The following PRORP variants were observed in gnomAD, a reference collection of about 807,000 sequenced individuals.
PRORP encodes the protein mitochondrial ribonuclease P catalytic subunit.
PRORP carries 51 observed loss-of-function variants against 59.4 expected under a neutral mutation model. That is an observed-to-expected ratio of 0.86 (90% CI 0.69 to 1.08). The LOEUF (loss-of-function observed/expected upper bound fraction) is 1.08, where lower values mean the gene tolerates loss of function less well. PRORP is among the 50% of genes least tolerant of loss of function. The pLI, the probability that PRORP is intolerant of heterozygous loss-of-function variation, is 0.00. For missense variants in PRORP, 646 were observed against 690.3 expected (o/e 0.94, Z 0.72); for synonymous variants, 231 against 245.6 (o/e 0.94, Z 0.55).
intron 5 of PRORP, among the ~76,000 whole-genome samples, chr14:35,212,937 A>G (rs2049486902): frequency 1.3e-5 from 2 of 152,190 alleles, no homozygotes; most frequent in African/African-American, 4.8e-5. Flanking sequence ...TTTATCAATG[A>G]TCTTAGCTAG....
intron 4 of PRORP, among the ~76,000 whole-genome samples, chr14:35,170,370 T>C (rs1397782772): frequency 6.6e-6 from 1 of 152,146 alleles, no homozygotes; most frequent in African/African-American, 2.4e-5. Flanking sequence ...TATTGGCTTT[T>C]ATCTATACCT....
At chr14:35,211,429 T>C (rs936419948) in intron 5 of PRORP, among the ~76,000 whole-genome samples, 1 of 152,162 alleles carries the variant, frequency 6.6e-6, no homozygotes, top group African/African-American at 2.4e-5. Context: ...TCAGTAAATA[T>C]TTGCAGAAGA....
rs1291414140 is a variant in PRORP at position 35,274,599 on chromosome 14, C to A, written c.*1033C>A. On this transcript the variant is annotated 3_prime_UTR_variant, in exon 8 of 8. Transcript: ENST00000534898. ...AGAGGTCAAGGCTGCAATGAGCCAA[C>A]GTTGCACCACTGCACTCTAGCCTGG... 1 of 152,168 alleles carries A rather than the reference C, an allele frequency of 6.6e-6. No individual in the cohort carries two copies. The highest frequency in any genetic ancestry group is 1.5e-5 in the Non-Finnish European group (1 of 68,060). 9.4% of individuals were successfully genotyped at this position (152,168 alleles called of 1,614,324 possible).
intron 5 of PRORP, among the ~76,000 whole-genome samples, chr14:35,235,974 T>C (rs892522852): frequency 2.0e-5 from 3 of 151,420 alleles, no homozygotes; most frequent in African/African-American, 4.9e-5. Flanking sequence ...TACACACATA[T>C]AGTCCCAGCT....
chr14:35,263,854 A>G (rs2050969277), intron 5 of PRORP, among the ~76,000 whole-genome samples: 1 of 152,206 alleles, frequency 6.6e-6, no homozygotes. Flanking sequence ...GGAAAGAACT[A>G]TATTTTACTA....
At chr14:35,129,286 T>G (rs1210163624) in intron 4 of PRORP, among the ~76,000 whole-genome samples, 2 of 152,130 alleles carry the variant, frequency 1.3e-5, no homozygotes, top group Non-Finnish European at 2.9e-5. Context: ...TAGCTGCTTT[T>G]GTTATATCCC....
chr14:35,150,539 A>G (rs991541282), intron 4 of PRORP, among the ~76,000 whole-genome samples: 1 of 152,242 alleles, frequency 6.6e-6, no homozygotes, highest in South Asian at 2.1e-4. Flanking sequence ...AAGGACAAGC[A>G]GGTCACTCCT....
At chr14:35,175,715 C>A (rs1248811330) in intron 4 of PRORP, among the ~76,000 whole-genome samples, 2 of 151,878 alleles carry the variant, frequency 1.3e-5, no homozygotes, top group African/African-American at 4.8e-5. Context: ...ATGGTAGGTT[C>A]TTTTGCTGTG....
At position 35,139,952 on chromosome 14, in the gene PRORP, C is replaced by T. The variant is rs557888782; in HGVS notation, c.1167+12341C>T. Among the ~76,000 whole-genome samples the T allele has an allele frequency of 1.4e-5, 2 of 145,586 alleles. 1 individual carries two copies. Among genetic ancestry groups the T allele is most frequent in the South Asian group, 4.5e-4 (2 of 4,446 alleles). ...TTTAGCTGCATCACTCCATTCTCTGCGTCTGTCTTCATGTGGCCTTTGTGT... is the reference window on the plus strand; with the variant it reads ...TTTAGCTGCATCACTCCATTCTCTGTGTCTGTCTTCATGTGGCCTTTGTGT... On this transcript the variant is annotated intron_variant, in intron 4 of 7. Transcript: ENST00000534898.
intron 5 of PRORP, among the ~76,000 whole-genome samples, chr14:35,210,613 C>G (rs1219040738): frequency 1.3e-5 from 2 of 151,106 alleles, no homozygotes; most frequent in African/African-American, 4.9e-5. Context: ...TCTTGAAAAT[C>G]AACACATGCA....
chr14:35,188,441 G>A (rs1055894242), intron 5 of PRORP, among the ~76,000 whole-genome samples: 9 of 150,184 alleles, frequency 6.0e-5, no homozygotes, highest in Non-Finnish European at 1.2e-4. Context: ...TGCCCGCCTC[G>A]GCCTCCCAAA....
chr14:35,234,559 G>T (rs541610133), intron 5 of PRORP, among the ~76,000 whole-genome samples: 2 of 152,010 alleles, frequency 1.3e-5, no homozygotes, highest in African/African-American at 4.8e-5. Flanking sequence ...AGACACAAAG[G>T]CTCCTACGCC....
chr14:35,236,850 TG>T (rs1329833333), intron 5 of PRORP, among the ~76,000 whole-genome samples: 1 of 152,148 alleles, frequency 6.6e-6, no homozygotes, highest in Non-Finnish European at 1.5e-5. Flanking sequence ...CACCAATAGG[TG>T]GTACCAAATG....
chr14:35,152,544 C>T (rs770872280), intron 4 of PRORP, among the ~76,000 whole-genome samples: 51 of 148,298 alleles, frequency 3.4e-4, no homozygotes, highest in East Asian at 1.2e-3. Context: ...GATGGGGCAG[C>T]GGCCGGGTGG....
chr14:35,167,002 C>T (rs986652126), intron 4 of PRORP, among the ~76,000 whole-genome samples: 1 of 152,086 alleles, frequency 6.6e-6, no homozygotes, highest in East Asian at 1.9e-4. Flanking sequence ...GGCATTTTTC[C>T]TCTCTGGCTT....
chr14:35,127,004 T>C (rs2047114811), intron 3 of PRORP, among the ~76,000 whole-genome samples: 1 of 152,230 alleles, frequency 6.6e-6, no homozygotes, highest in Admixed American at 6.5e-5. Flanking sequence ...AGAGATGTTT[T>C]TTCCCTAGAG....
chr14:35,125,090 A>G (rs1180014934), intron 2 of PRORP, among the ~76,000 whole-genome samples: 4 of 151,830 alleles, frequency 2.6e-5, no homozygotes, highest in East Asian at 1.9e-4. Context: ...CTCTCGAACT[A>G]CCTCAGGTGA....
intron 4 of PRORP, among the ~76,000 whole-genome samples, chr14:35,173,510 G>T (rs2048370152): frequency 6.6e-6 from 1 of 152,066 alleles, no homozygotes; most frequent in South Asian, 2.1e-4. Flanking sequence ...GATTTGAGGA[G>T]ATTTATGTGC....
rs1030909111 is a variant in PRORP, at chr14:35,277,526, C to G, written c.*3960C>G. On this transcript the variant is annotated 3_prime_UTR_variant, in exon 8 of 8. Coordinates refer to ENST00000534898, the MANE Select transcript of PRORP (RefSeq NM_014672.4). The stretch of plus-strand genomic sequence containing the variant: ...TAAACAAAGGAAGTTCCATTTAGAG[C>G]TCTACAGAGGGGAAGCCATAGAAAT... 4 of 152,124 alleles carry G rather than the reference C, an allele frequency of 2.6e-5. No individual in the cohort carries two copies. Among genetic ancestry groups the G allele is most frequent in the African/African-American group, 9.7e-5 (4 of 41,436 alleles). The allele number at this position is 152,124 out of a possible 1,614,324, so 9.4% of individuals were successfully genotyped here.
Sources: gnomAD v4.1 joint callset for allele counts (sites outside exome capture counted in the v4.1 genomes callset) on GRCh38, gnomAD v4.1.1 for gene constraint, MANE v1.5 for transcripts, NCBI Gene and HGNC (gene_info 2026-07-23, HGNC 2026-07-21) for gene names.